The following NKAIN2 variants were observed in gnomAD, a reference collection of about 807,000 sequenced individuals.
NKAIN2 encodes sodium/potassium transporting ATPase interacting 2.
NKAIN2 carries 14 observed loss-of-function variants against 32.6 expected under a neutral mutation model. That is an observed-to-expected ratio of 0.43 (90% CI 0.28 to 0.67). NKAIN2 has a LOEUF of 0.67. Ranked by LOEUF, NKAIN2 falls within the 30% of genes least tolerant of loss-of-function variation. NKAIN2 has a pLI of 0.17. For synonymous variants in NKAIN2, 80 were observed against 87.2 expected (o/e 0.92, Z 0.46); for missense variants, 198 against 258.3 (o/e 0.77, Z 1.60).
At chr6:124,061,693 G>T (rs190438920) in intron 1 of NKAIN2, among the ~76,000 whole-genome samples, 9 of 151,810 alleles carry the variant, frequency 5.9e-5, no homozygotes, top group African/African-American at 2.2e-4. Flanking sequence ...TCTGTTTTTA[G>T]AGTACTCATA....
intron 3 of NKAIN2, among the ~76,000 whole-genome samples, chr6:124,581,140 A>G (rs1781503086): frequency 6.6e-6 from 1 of 152,120 alleles, no homozygotes; most frequent in South Asian, 2.1e-4. Context: ...CAGACAGAAA[A>G]TCAATAAAGA....
At chr6:124,022,652 T>C (rs4493758) in intron 1 of NKAIN2, among the ~76,000 whole-genome samples, 37,972 of 152,150 alleles carry the variant, frequency 0.25, 6,420 homozygotes, top group African/African-American at 0.48. Flanking sequence ...CAGTTTTCTT[T>C]CAATTACATC....
At chr6:123,960,528 C>T (rs1409369085) in intron 1 of NKAIN2, among the ~76,000 whole-genome samples, 5 of 151,818 alleles carry the variant, frequency 3.3e-5, no homozygotes, top group African/African-American at 9.7e-5. Flanking sequence ...TGTAGACCTC[C>T]TTGAGCCATT....
Position 124,028,532 on chromosome 6 carries a change from T to C in NKAIN2, c.54+224278T>C, listed in dbSNP as rs1195259682. Among the ~76,000 whole-genome samples, 3 of 151,316 alleles carry C rather than the reference T, an allele frequency of 2.0e-5. No individual in the cohort carries two copies. In the East Asian group the frequency reaches 5.9e-4, roughly 30 times the overall value. On this transcript the variant is annotated intron_variant, in intron 1 of 6. Transcript: ENST00000368417. Reference sequence around the variant, plus strand: ...ATGTACCCTAAAACTTAAAGTATAATAATAATAAAATAAATTTTAAAAAAA... The same window carrying C: ...ATGTACCCTAAAACTTAAAGTATAACAATAATAAAATAAATTTTAAAAAAA...
At chr6:124,711,867 T>C (rs1340675106) in intron 4 of NKAIN2, among the ~76,000 whole-genome samples, 4 of 152,194 alleles carry the variant, frequency 2.6e-5, no homozygotes, top group Non-Finnish European at 5.9e-5. Flanking sequence ...GGTGAGGAAC[T>C]GTGTTCCTTT....
intron 1 of NKAIN2, among the ~76,000 whole-genome samples, chr6:124,222,994 A>G (rs577067325): frequency 3.9e-5 from 6 of 152,114 alleles, no homozygotes; most frequent in South Asian, 2.1e-4. Flanking sequence ...CAGGCAGATC[A>G]CAAGGTCAGG....
intron 3 of NKAIN2, among the ~76,000 whole-genome samples, chr6:124,439,679 G>T (rs593660): frequency 0.31 from 46,081 of 150,884 alleles, 7,620 homozygotes; most frequent in African/African-American, 0.43. Flanking sequence ...AGTCATTAAT[G>T]TATATACTAC....
intron 3 of NKAIN2, among the ~76,000 whole-genome samples, chr6:124,575,060 G>C (rs1781278043): frequency 6.6e-6 from 1 of 152,182 alleles, no homozygotes; most frequent in Admixed American, 6.5e-5. Flanking sequence ...ATATTTCTGT[G>C]TTTAAATCAC....
intron 1 of NKAIN2, among the ~76,000 whole-genome samples, chr6:124,072,421 C>T (rs1257324934): frequency 6.6e-6 from 1 of 152,086 alleles, no homozygotes; most frequent in Admixed American, 6.6e-5. Flanking sequence ...CACAACATAC[C>T]TGTGTAACAA....
At chr6:124,501,474 G>A (rs868252072) in intron 3 of NKAIN2, among the ~76,000 whole-genome samples, 18 of 152,134 alleles carry the variant, frequency 1.2e-4, no homozygotes, top group Admixed American at 8.5e-4. Context: ...AACATTTCGC[G>A]GTGTTAATGG....
chr6:124,087,183 A>G (rs1481532582), intron 1 of NKAIN2, among the ~76,000 whole-genome samples: 1 of 152,014 alleles, frequency 6.6e-6, no homozygotes, highest in Non-Finnish European at 1.5e-5. Flanking sequence ...TCATTTGATC[A>G]TATAAATAGA....
intron 1 of NKAIN2, among the ~76,000 whole-genome samples, chr6:123,879,389 C>G (rs776672167): frequency 1.5e-4 from 23 of 152,164 alleles, no homozygotes; most frequent in Non-Finnish European, 2.9e-4. Flanking sequence ...TCCTGGCCCA[C>G]CCCATTTTGT....
In NKAIN2 at chr6:124,812,792, C is replaced by A. The variant is rs149621361; in HGVS notation, c.536-5595C>A. On this transcript the variant is annotated intron_variant, in intron 5 of 6. Transcript: ENST00000368417. ...TGGCAAACAAATTTCTGAGAATCAA[C>A]TTTGAACCTTTTCTTTTCCTCCCTT... Among the ~76,000 whole-genome samples the A allele has an allele frequency of 4.3e-3, 649 of 152,048 alleles. 2 individuals are homozygous for A. The highest frequency in any genetic ancestry group is 7.8e-3 in the Non-Finnish European group (529 of 67,954).
At chr6:124,385,435 C>T (rs186982730) in intron 3 of NKAIN2, among the ~76,000 whole-genome samples, 3 of 152,174 alleles carry the variant, frequency 2.0e-5, no homozygotes, top group Non-Finnish European at 4.4e-5. Context: ...CAGCAATGCA[C>T]GATTATAACC....
At chr6:124,131,935 C>T (rs181872946) in intron 1 of NKAIN2, among the ~76,000 whole-genome samples, 3 of 152,258 alleles carry the variant, frequency 2.0e-5, no homozygotes, top group African/African-American at 4.8e-5. Context: ...GGAGCCACTG[C>T]CATTGTGAGC....
intron 1 of NKAIN2, chr6:123,823,189 A>G (rs375888266): frequency 6.6e-5 from 10 of 152,216 alleles, no homozygotes; most frequent in African/African-American, 2.4e-4. Flanking sequence ...CGAAACCTGT[A>G]TTTTCTTTAC....
chr6:124,236,942 G>A (rs12208562), intron 1 of NKAIN2, among the ~76,000 whole-genome samples: 6,874 of 152,230 alleles, frequency 0.045, 227 homozygotes, highest in Middle Eastern at 0.088. Flanking sequence ...AAAATGCAAT[G>A]TAAAAAAAGG....
chr6:124,169,768 T>TA (rs1272686658), intron 1 of NKAIN2, among the ~76,000 whole-genome samples: 2 of 152,110 alleles, frequency 1.3e-5, no homozygotes, highest in Admixed American at 1.3e-4. Flanking sequence ...TGGAAAATCT[T>TA]ACCTCTGTTT....
chr6:123,909,180 G>C (rs1562251795), intron 1 of NKAIN2, among the ~76,000 whole-genome samples: 1 of 151,904 alleles, frequency 6.6e-6, no homozygotes, highest in Admixed American at 6.6e-5. Flanking sequence ...CTTACCACCT[G>C]TATGTTTTGA....
Sources: allele counts gnomAD v4.1 joint callset (sites outside exome capture counted in the v4.1 genomes callset), GRCh38; gene constraint gnomAD v4.1.1; transcripts MANE v1.5; gene names NCBI Gene and HGNC (gene_info 2026-07-23, HGNC 2026-07-21).